ENPP6: variants seen among roughly 807,000 people sequenced by gnomAD.
The protein encoded by ENPP6 is ectonucleotide pyrophosphatase/phosphodiesterase 6.
Under a neutral mutation model 42.0 loss-of-function variants are expected in ENPP6, and 32 were observed. That is an observed-to-expected ratio of 0.76 (90% CI 0.58 to 1.02). The LOEUF (loss-of-function observed/expected upper bound fraction) is 1.02, where lower values mean the gene tolerates loss of function less well. Ranked by LOEUF, ENPP6 falls within the 50% of genes least tolerant of loss-of-function variation. The pLI, the probability that ENPP6 is intolerant of heterozygous loss-of-function variation, is 0.00. For missense variants in ENPP6, 552 were observed against 566.8 expected, an observed-to-expected ratio of 0.97 and a Z score of 0.27; for synonymous variants, 213 against 216.0, an observed-to-expected ratio of 0.99 and a Z score of 0.12.
intron 2 of ENPP6, among the ~76,000 whole-genome samples, chr4:184,135,874 A>G (rs966263515): frequency 6.6e-6 from 1 of 152,182 alleles, no homozygotes; most frequent in African/African-American, 2.4e-5. Flanking sequence ...CCTGTTTTGA[A>G]TTTTATGTAA....
chr4:184,203,906 T>C (rs1222799920), intron 1 of ENPP6: 4 of 152,244 alleles, frequency 2.6e-5, no homozygotes, highest in Admixed American at 2.6e-4. Context: ...CCCGTTTATA[T>C]TGCTTTCCAA....
At chr4:184,182,880 A>G (rs1457363374) in intron 1 of ENPP6, among the ~76,000 whole-genome samples, 1 of 152,212 alleles carries the variant, frequency 6.6e-6, no homozygotes, top group East Asian at 1.9e-4. Context: ...GAGGGAGAGC[A>G]TCAGGATAAA....
At chr4:184,177,544 C>T (rs73007892) in intron 1 of ENPP6, among the ~76,000 whole-genome samples, 2,251 of 152,312 alleles carry the variant, frequency 0.015, 69 homozygotes, top group African/African-American at 0.052. Flanking sequence ...GGTCTCTGAT[C>T]CTGTGACTCC....
chr4:184,126,926 T>A (rs1055905611), intron 2 of ENPP6, among the ~76,000 whole-genome samples: 2 of 152,294 alleles, frequency 1.3e-5, no homozygotes, highest in South Asian at 4.1e-4. Context: ...TTGTTCTTTC[T>A]CACACAATGT....
At chr4:184,114,609 G>A (rs896195513) in intron 5 of ENPP6, among the ~76,000 whole-genome samples, 2 of 152,054 alleles carry the variant, frequency 1.3e-5, no homozygotes, top group East Asian at 1.9e-4. Flanking sequence ...CATGGCCCCC[G>A]CTTTTGAATA....
At chr4:184,201,706 GA>G (rs1277758752) in intron 1 of ENPP6, among the ~76,000 whole-genome samples, 1 of 151,506 alleles carries the variant, frequency 6.6e-6, no homozygotes, top group East Asian at 1.9e-4. Context: ...GATGTGCTGG[GA>G]GACATTATTT....
chr4:184,164,644 G>A lies in ENPP6; in HGVS notation c.242-10911C>T, dbSNP rs905790222. Among the ~76,000 whole-genome samples the A allele has an allele frequency of 4.6e-5, 7 of 152,156 alleles. 1 individual carries two copies. Among genetic ancestry groups the A allele is most frequent in the Admixed American group, 2.6e-4 (4 of 15,268 alleles). On this transcript the variant is annotated intron_variant, in intron 1 of 7. Transcript: ENST00000296741. ...CCTTAATTTCTGACTTCTGACCTCC[G>A]GAACTAAAAGACAACACATTTCTGT...
intron 7 of ENPP6, 67 bp downstream of exon 7, chr4:184,097,178 G>GT: frequency 6.3e-7 from 1 of 1,598,340 alleles, no homozygotes; most frequent in Non-Finnish European, 8.5e-7. Flanking sequence ...CCTGGCACCC[G>GT]TAGCCCCCCT....
At chr4:184,115,060 C>T (rs763659947) in intron 5 of ENPP6, among the ~76,000 whole-genome samples, 47 of 152,180 alleles carry the variant, frequency 3.1e-4, no homozygotes, top group African/African-American at 8.2e-4. Flanking sequence ...TAAGGAAATC[C>T]GGAGTTCTTA....
intron 1 of ENPP6, among the ~76,000 whole-genome samples, chr4:184,210,335 G>A (rs1445754678): frequency 7.1e-6 from 1 of 140,746 alleles, no homozygotes; most frequent in Admixed American, 7.2e-5. Flanking sequence ...CTGTATTCAG[G>A]AAACCCATCT....
At chr4:184,098,216 C>A (rs1390046487) in intron 6 of ENPP6, among the ~76,000 whole-genome samples, 1 of 152,168 alleles carries the variant, frequency 6.6e-6, no homozygotes, top group African/African-American at 2.4e-5. Flanking sequence ...CCAAATCACA[C>A]GCAGGTGCCG....
At chr4:184,185,220 G>A (rs538087621) in intron 1 of ENPP6, among the ~76,000 whole-genome samples, 1 of 152,150 alleles carries the variant, frequency 6.6e-6, no homozygotes, top group Admixed American at 6.5e-5. Flanking sequence ...GTTTGCCCAG[G>A]ACAGTCCTGG....
chr4:184,174,748 T>C (rs1306626615), intron 1 of ENPP6, among the ~76,000 whole-genome samples: 1 of 152,256 alleles, frequency 6.6e-6, no homozygotes, highest in East Asian at 1.9e-4. Flanking sequence ...TGATGGCCCA[T>C]GTTCAGAGAC....
intron 5 of ENPP6, among the ~76,000 whole-genome samples, chr4:184,113,875 C>T (rs112747602): frequency 1.3e-4 from 19 of 151,332 alleles, no homozygotes; most frequent in African/African-American, 4.6e-4. Context: ...CTCTCTTTCT[C>T]TTTCTTTTTC....
intron 7 of ENPP6, among the ~76,000 whole-genome samples, chr4:184,094,619 G>C (rs755567625): frequency 6.6e-6 from 1 of 152,268 alleles, no homozygotes; most frequent in Non-Finnish European, 1.5e-5. Flanking sequence ...GACATGGACA[G>C]AGAGTCCAAG....
At chr4:184,204,828 T>C (rs543820888) in intron 1 of ENPP6, among the ~76,000 whole-genome samples, 2 of 152,352 alleles carry the variant, frequency 1.3e-5, no homozygotes, top group East Asian at 3.9e-4. Flanking sequence ...ATGATTGTAG[T>C]TTTTTCTCCT....
Position 184,088,737 on chromosome 4 carries a change from T to C in ENPP6, c.*2440A>G, listed in dbSNP as rs549656111. ...ATTTAAGTAAAAAGCTTTATTTTTT[T>C]CCCTCAGTGTCTGAATCTTCTTTAT... On this transcript the variant is annotated 3_prime_UTR_variant, in exon 8 of 8. Coordinates refer to ENST00000296741, the MANE Select transcript of ENPP6 (RefSeq NM_153343.4). 1.3e-5 allele frequency: 2 copies of C among 152,374 alleles called. No individual in the cohort carries two copies. Among genetic ancestry groups the C allele is most frequent in the South Asian group, 2.1e-4 (1 of 4,826 alleles). 9.4% of individuals were successfully genotyped at this position (152,374 alleles called of 1,614,324 possible).
Position 184,129,366 on chromosome 4 carries a change from A to G in ENPP6, c.422-5094T>C, listed in dbSNP as rs140979788. On this transcript the variant is annotated intron_variant, in intron 2 of 7. Transcript: ENST00000296741. ...TCACCAAATTATAGGCAATGTACAC[A>G]AATACTTTCTTCTTCTATTCTGTTC... 4.0e-3 allele frequency among the ~76,000 whole-genome samples: 606 copies of G among 152,176 alleles called. 8 individuals are homozygous for G. Among genetic ancestry groups the G allele is most frequent in the African/African-American group, 0.013 (546 of 41,510 alleles).
chr4:184,147,016 A>G (rs1344069158), intron 2 of ENPP6, among the ~76,000 whole-genome samples: 1 of 151,988 alleles, frequency 6.6e-6, no homozygotes, highest in African/African-American at 2.4e-5. Flanking sequence ...ACGTCTTTGT[A>G]TCTCCAGCCC....
Sources: gnomAD v4.1 joint callset for allele counts (sites outside exome capture counted in the v4.1 genomes callset) on GRCh38, gnomAD v4.1.1 for gene constraint, MANE v1.5 for transcripts, NCBI Gene and HGNC (gene_info 2026-07-23, HGNC 2026-07-21) for gene names.